Variants in ICAM5 observed in about 807,000 individuals in gnomAD.
ICAM5 encodes ICAM-5.
A neutral mutation model predicts 78.8 loss-of-function variants in ICAM5; 38 were observed. That is an observed-to-expected ratio of 0.48 (90% CI 0.37 to 0.63). The LOEUF is 0.63. Among genes scored for constraint, ICAM5 ranks in the 30% least tolerant of loss-of-function variants. The probability of loss-of-function intolerance (pLI) is 0.00; values close to 1 mark genes in which losing one functional copy is unlikely to be tolerated. For missense variants in ICAM5, 1,059 were observed against 1,303.0 expected (o/e 0.81, Z 2.88); for synonymous variants, 544 against 590.9 (o/e 0.92, Z 1.15).
At position 10,294,247 on chromosome 19, in the gene ICAM5, C is replaced by A. The variant is rs768615612; in HGVS notation, c.1919C>A (p.Pro640His). ...RAPRIPRVLA[P>H]GIYVCNATNR... ...CCCAGAATCCCTAGAGTCCTGGCAC[C>A]CGGTATCTACGTCTGCAACGCCACC... Residue 640 changes from proline to histidine, a missense_variant, in exon 8 of 11, where the codon CCC becomes CAC. Physicochemically the swap from Pro to His is moderately conservative, Grantham distance 77. Coordinates refer to ENST00000221980, the MANE Select transcript of ICAM5 (RefSeq NM_003259.4). This position sits in a 1 kb window ranked among gnomAD's most constrained non-coding sequence, Gnocchi z 7.7. 1.2e-6 allele frequency: 2 copies of A among 1,613,958 alleles called. No individual in the cohort carries two copies. The highest frequency in any genetic ancestry group is 1.7e-6 in the Non-Finnish European group (2 of 1,180,002).
Position 10,293,689 on chromosome 19 carries a change from C to T in ICAM5, c.1466-9C>T. 1.2e-6 allele frequency: 2 copies of T among 1,610,762 alleles called. No individual in the cohort carries two copies. The highest frequency in any genetic ancestry group is 1.1e-5 in the South Asian group (1 of 90,960). Reference sequence around the variant, plus strand: ...AACCCCAAAGCCAACAATACACTCCCTCCTCCAGACGCACCAGCGCTGGAC... The same window carrying T: ...AACCCCAAAGCCAACAATACACTCCTTCCTCCAGACGCACCAGCGCTGGAC... On this transcript the variant is annotated splice_polypyrimidine_tract_variant and intron_variant, in intron 6 of 10. Coordinates refer to ENST00000221980, the MANE Select transcript of ICAM5 (RefSeq NM_003259.4). This position sits in a 1 kb window ranked among gnomAD's most constrained non-coding sequence, Gnocchi z 5.0.
intron 4 of ICAM5, 99 bp downstream of exon 4, chr19:10,292,421 T>G: frequency 4.4e-6 from 6 of 1,377,428 alleles, no homozygotes; most frequent in Admixed American, 2.4e-5. Context: ...GGAACAGGCG[T>G]GGCCCGAGGG....
At position 10,291,771 on chromosome 19, in the gene ICAM5, T is replaced by C. The variant is rs534071602; in HGVS notation, c.635T>C (p.Phe212Ser). Residue 212 changes from phenylalanine to serine, a missense_variant, in exon 3 of 11, where the codon TTT becomes TCT. Coordinates refer to ENST00000221980, the MANE Select transcript of ICAM5 (RefSeq NM_003259.4). ...LDLRPHGLGL[F>S]ENSSAPRELR... is the part of the protein sequence containing the mutation. ...CTGCGGCCGCACGGACTGGGACTGT[T>C]TGAAAACAGCTCGGCCCCCAGAGAG... 1.2e-6 allele frequency: 2 copies of C among 1,612,196 alleles called. No homozygotes were observed. The highest frequency in any genetic ancestry group is 1.1e-5 in the South Asian group (1 of 91,038).
intron 3 of ICAM5, 67 bp from the exon 4 acceptor site, chr19:10,291,968 G>T: frequency 6.5e-7 from 1 of 1,531,456 alleles, no homozygotes; most frequent in Non-Finnish European, 9.0e-7. Context: ...ATAAGATAGT[G>T]CATGTCAAGT....
chr19:10,295,763 G>T (rs1351736661), intron 10 of ICAM5, 151 bp downstream of exon 10: 4 of 923,644 alleles, frequency 4.3e-6, no homozygotes, highest in Admixed American at 5.9e-5. Flanking sequence ...CTTAGCGGGT[G>T]GGGCTGTTGA....
chr19:10,296,400 G>T lies in ICAM5; in HGVS notation c.2559G>T (p.Gly853=). 1 of 1,275,594 alleles carries T rather than the reference G, an allele frequency of 7.8e-7. No homozygotes were observed. Among genetic ancestry groups the T allele is most frequent in the Non-Finnish European group, 1.0e-6 (1 of 1,002,528 alleles). 79.0% of individuals were successfully genotyped at this position (1,275,594 alleles called of 1,614,324 possible). ...AAGGAALLAA[G]AGLAFYVQST... ...GGGGCGCGGCGCTGCTGGCCGCGGG[G>T]GCCGGCCTGGCCTTCTACGTGCAGT... The change falls in exon 11 of 11, where the codon GGG becomes GGT. Residue 853 remains glycine, a synonymous_variant. Coordinates refer to ENST00000221980, the MANE Select transcript of ICAM5 (RefSeq NM_003259.4).
At chr19:10,295,759 G>A (rs2040215398) in intron 10 of ICAM5, 147 bp downstream of exon 10, 1 of 942,110 alleles carries the variant, frequency 1.1e-6, no homozygotes, top group South Asian at 1.8e-5. Context: ...GTGCCTTAGC[G>A]GGTGGGGCTG....
Position 10,294,161 on chromosome 19 carries a change from CG to C in ICAM5, c.1838del (p.Gly613AlafsTer48). Reference sequence around the variant, plus strand: ...AGCCAAGCGTGAAGTGCGTGGGCTCCGGGGGCGCCACTGAGGGGGTGCTGCT... The same window carrying C: ...AGCCAAGCGTGAAGTGCGTGGGCTCCGGGGCGCCACTGAGGGGGTGCTGCT... ...PQPSVKCVGS[G>X]GATEGVLLPL... On this transcript the variant is annotated frameshift_variant, in exon 8 of 11. Transcript: ENST00000221980. LOFTEE classifies it high-confidence loss of function. This position sits in a 1 kb window ranked among gnomAD's most constrained non-coding sequence, Gnocchi z 7.7. 1 of 1,612,250 alleles carries C rather than the reference CG, an allele frequency of 6.2e-7. No homozygotes were observed.
At position 10,290,160 on chromosome 19, in the gene ICAM5, CG is replaced by C. The variant is rs1397340362; in HGVS notation, c.82+40del. The C allele has an allele frequency of 3.5e-6, 5 of 1,440,560 alleles. No homozygotes were observed. Among genetic ancestry groups the C allele is most frequent in the Middle Eastern group, 2.1e-4 (1 of 4,820 alleles). 89.2% of individuals were successfully genotyped at this position (1,440,560 alleles called of 1,614,324 possible). Reference sequence around the variant, plus strand: ...CCGCTCTGGTTCGGGGTGGACAGGGCGGGGGCGGAGTCCCTGGACCTGAGAA... The same window carrying C: ...CCGCTCTGGTTCGGGGTGGACAGGGCGGGGCGGAGTCCCTGGACCTGAGAA... On this transcript the variant is annotated intron_variant, in intron 1 of 10. Coordinates refer to ENST00000221980, the MANE Select transcript of ICAM5 (RefSeq NM_003259.4). This position sits in a 1 kb window ranked among gnomAD's most constrained non-coding sequence, Gnocchi z 5.7.
rs764349446 is a variant in ICAM5 at position 10,292,968 on chromosome 19, A to G, written c.1217-30A>G. 5.0e-6 allele frequency: 8 copies of G among 1,610,678 alleles called. No individual in the cohort carries two copies. The South Asian group carries it at 8.8e-5, about 18-fold the overall frequency. On this transcript the variant is annotated intron_variant, in intron 5 of 10. Coordinates refer to ENST00000221980, the MANE Select transcript of ICAM5 (RefSeq NM_003259.4). ...GAGGCGGAGCCATTTCTTACGTCTA[A>G]GCCTCTGTAACCCCACGCCCTGCCC... is the stretch of plus-strand genomic sequence containing the variant.
rs770100361 is a variant in ICAM5 at position 10,294,660 on chromosome 19, G to A, written c.2230+20G>A. On this transcript the variant is annotated intron_variant, in intron 9 of 10. Transcript: ENST00000221980. This position sits in a 1 kb window ranked among gnomAD's most constrained non-coding sequence, Gnocchi z 7.7. ...TGGAATGTGAGTGGGGGCAGCACCG[G>A]ATGGAGGGGACACGGTCCTCGGAAG... 2 of 1,612,444 alleles carry A rather than the reference G, an allele frequency of 1.2e-6. No homozygotes were observed. The highest frequency in any genetic ancestry group is 2.2e-5 in the East Asian group (1 of 44,858).
rs769545435 is a variant in ICAM5 at position 10,291,539 on chromosome 19, G to A, written c.403G>A (p.Gly135Ser). The change falls in exon 3 of 11, where the codon GGC becomes AGC. Residue 135 changes from glycine (G) to serine (S), a missense_variant. This residue lies in a region of ICAM5 where 815 missense variants were observed against 952.8 expected (regional missense o/e 0.86). Transcript: ENST00000221980. ...GCCGCTGCCTCCCTGGCAGCCGGTG[G>A]GCGAGAACTTCACCCTGAGCTGTAG... ...LMPLPPWQPV[G>S]ENFTLSCRVP... is the part of the protein sequence containing the mutation. 2.5e-6 allele frequency: 4 copies of A among 1,612,610 alleles called. No individual in the cohort carries two copies. The highest frequency in any genetic ancestry group is 1.7e-5 in the Admixed American group (1 of 60,020).
At position 10,290,749 on chromosome 19, in the gene ICAM5, C is replaced by T; in HGVS notation, c.83-323C>T. 2.3e-6 allele frequency: 1 copy of T among 433,434 alleles called. No homozygotes were observed. Among genetic ancestry groups the T allele is most frequent in the Non-Finnish European group, 4.1e-6 (1 of 242,622 alleles). 26.8% of individuals were successfully genotyped at this position (433,434 alleles called of 1,614,324 possible). A position where few individuals can be genotyped will look rare whatever the true frequency, so the allele number is the denominator to read the frequency against. On this transcript the variant is annotated intron_variant, in intron 1 of 10. Coordinates refer to ENST00000221980, the MANE Select transcript of ICAM5 (RefSeq NM_003259.4). This position sits in a 1 kb window ranked among gnomAD's most constrained non-coding sequence, Gnocchi z 5.7. Reference sequence around the variant, plus strand: ...ATCCCCCATCCCCCATCCCGGGTCCCCTTCTCTCAGCCTTGCTGTGTTCAT... The same window carrying T: ...ATCCCCCATCCCCCATCCCGGGTCCTCTTCTCTCAGCCTTGCTGTGTTCAT...
Position 10,293,935 on chromosome 19 carries a change from C to T in ICAM5, c.1703C>T (p.Thr568Met), listed in dbSNP as rs1325001528. 3 of 1,612,084 alleles carry T rather than the reference C, an allele frequency of 1.9e-6. No homozygotes were observed. The highest frequency in any genetic ancestry group is 1.6e-4 in the Middle Eastern group (1 of 6,062). ...RGSAAKNVAV[T>M]VEYGPRFEEP... ...TCTGCGGCCAAAAATGTGGCCGTCACGGTGGAATGTGAGTAGGGGCACCGC... is the reference window on the plus strand; with the variant it reads ...TCTGCGGCCAAAAATGTGGCCGTCATGGTGGAATGTGAGTAGGGGCACCGC... The change falls in exon 7 of 11, where the codon ACG becomes ATG. Residue 568 changes from threonine (T) to methionine (M), a missense_variant. This residue lies in a region of ICAM5 where 815 missense variants were observed against 952.8 expected (regional missense o/e 0.86). Coordinates refer to ENST00000221980, the MANE Select transcript of ICAM5 (RefSeq NM_003259.4). This position sits in a 1 kb window ranked among gnomAD's most constrained non-coding sequence, Gnocchi z 5.0.
Position 10,290,038 on chromosome 19 carries a change from G to A in ICAM5, c.-6G>A. On this transcript the variant is annotated 5_prime_UTR_variant, in exon 1 of 11. Transcript: ENST00000221980. The surrounding 1 kb of genome is among the most constrained non-coding windows in gnomAD (Gnocchi z 5.7). ...CCTCGCCTCCTGTGCTTTCCCCGCC[G>A]CGGCGATGCCAGGGCCTTCGCCAGG... 6.5e-7 allele frequency: 1 copy of A among 1,538,150 alleles called. No homozygotes were observed.
At position 10,293,234 on chromosome 19, in the gene ICAM5, C is replaced by A; in HGVS notation, c.1453C>A (p.Leu485Ile). ...DQGEAVKDVT[L>I]TVEYAPALDS... The stretch of plus-strand genomic sequence containing the variant: ...AGGCGAGGCGGTCAAGGACGTAACG[C>A]TAACGGTGGAGTGTGAGTGGGGGTG... The change falls in exon 6 of 11, where the codon CTA becomes ATA. Residue 485 changes from leucine to isoleucine, a missense_variant. Leu to Ile is a conservative substitution (Grantham distance 5). Transcript: ENST00000221980. The surrounding 1 kb of genome is among the most constrained non-coding windows in gnomAD (Gnocchi z 5.0). 1 of 1,584,444 alleles carries A rather than the reference C, an allele frequency of 6.3e-7. No individual in the cohort carries two copies. Among genetic ancestry groups the A allele is most frequent in the South Asian group, 1.1e-5 (1 of 86,962 alleles).
In ICAM5 at chr19:10,294,019, C is replaced by A. The variant is rs991101459; in HGVS notation, c.1712-21C>A. On this transcript the variant is annotated intron_variant, in intron 7 of 10. Transcript: ENST00000221980. The surrounding 1 kb of genome is among the most constrained non-coding windows in gnomAD (Gnocchi z 7.7). ...TGGACTTCCTGGCCCCCGTGTGAGC[C>A]CCTGCAATCCTGTTTCCCAGATGGC... 1 of 1,584,252 alleles carries A rather than the reference C, an allele frequency of 6.3e-7. No homozygotes were observed. Among genetic ancestry groups the A allele is most frequent in the Admixed American group, 1.7e-5 (1 of 57,532 alleles).
chr19:10,292,497 G>A (rs1401174896), intron 4 of ICAM5, 115 bp from the exon 5 acceptor site: 2 of 1,432,108 alleles, frequency 1.4e-6, no homozygotes, highest in African/African-American at 1.4e-5. Context: ...TGAGAGGCGG[G>A]GCGCCGTACC....
At position 10,292,036 on chromosome 19, in the gene ICAM5, C is replaced by T; in HGVS notation, c.675C>T (p.Ser225=). ...SSAPRELRTF[S]LSPDAPRLAA... Reference sequence around the variant, plus strand: ...CAAACTTGGTTCTTCGACCCCTAGCCCTGTCTCCGGATGCCCCGCGCCTCG... The same window carrying T: ...CAAACTTGGTTCTTCGACCCCTAGCTCTGTCTCCGGATGCCCCGCGCCTCG... Residue 225 remains serine (S), a splice_region_variant and synonymous_variant, in exon 4 of 11, where the codon TCC becomes TCT. Transcript: ENST00000221980. 6.2e-7 allele frequency: 1 copy of T among 1,611,456 alleles called. No individual in the cohort carries two copies. The highest frequency in any genetic ancestry group is 8.5e-7 in the Non-Finnish European group (1 of 1,178,560).
Sources: gnomAD v4.1 joint callset for allele counts on GRCh38, gnomAD v4.1.1 for gene constraint, gnomAD v4.1.1 regional missense constraint, Gnocchi (gnomAD v3.1) non-coding constraint, MANE v1.5 for transcripts, NCBI Gene and HGNC (gene_info 2026-07-23, HGNC 2026-07-21) for gene names.